QTMAN: variants seen among roughly 807,000 people sequenced by gnomAD.
QTMAN encodes the protein tRNA-queuosine alpha-mannosyltransferase.
chr2:144,314,602 A>C, the QTMAN span, among the ~76,000 whole-genome samples: 1 of 152,126 alleles, frequency 6.6e-6, no homozygotes, highest in Non-Finnish European at 1.5e-5. Flanking sequence ...AATCCCAGCT[A>C]CTCAGGAGGC....
chr2:144,198,202 A>G, the QTMAN span, among the ~76,000 whole-genome samples: 18 of 152,022 alleles, frequency 1.2e-4, no homozygotes, highest in East Asian at 2.9e-3. Flanking sequence ...ACTCCAATAG[A>G]GCAAGACTTT....
At chr2:143,956,432 T>C in the QTMAN span, among the ~76,000 whole-genome samples, 3 of 152,300 alleles carry the variant, frequency 2.0e-5, no homozygotes, top group South Asian at 6.2e-4. Flanking sequence ...TATCTGTATA[T>C]GTATATTATA....
the QTMAN span, among the ~76,000 whole-genome samples, chr2:144,112,967 C>T: frequency 1.3e-5 from 2 of 152,058 alleles, no homozygotes; most frequent in Non-Finnish European, 2.9e-5. Flanking sequence ...CAGAGCAATA[C>T]ATATCAAAGG....
the QTMAN span, among the ~76,000 whole-genome samples, chr2:144,042,000 A>G: frequency 6.6e-6 from 1 of 152,182 alleles, no homozygotes; most frequent in Non-Finnish European, 1.5e-5. Context: ...CCAGGTACCA[A>G]GTCATGAAGG....
chr2:144,122,054 T>C, the QTMAN span, among the ~76,000 whole-genome samples: 1 of 152,320 alleles, frequency 6.6e-6, no homozygotes, highest in East Asian at 1.9e-4. Flanking sequence ...GACTCTTTTT[T>C]AATTACAATA....
the QTMAN span, chr2:143,952,669 C>G: frequency 1.2e-6 from 1 of 847,116 alleles, no homozygotes; most frequent in Non-Finnish European, 2.0e-6. Context: ...GTTGACTTGC[C>G]AAATAAACAA....
chr2:144,303,500 CA>C, the QTMAN span, among the ~76,000 whole-genome samples: 2 of 151,772 alleles, frequency 1.3e-5, no homozygotes, highest in East Asian at 3.9e-4. Flanking sequence ...GGAGTATTTT[CA>C]AAAGTCTAAA....
chr2:144,103,934 T>TA, the QTMAN span, among the ~76,000 whole-genome samples: 3 of 151,756 alleles, frequency 2.0e-5, no homozygotes, highest in East Asian at 2.0e-4. Flanking sequence ...TACTAAAAAT[T>TA]AAAAAATTAG....
chr2:144,049,731 G>A, the QTMAN span, among the ~76,000 whole-genome samples: 2 of 152,026 alleles, frequency 1.3e-5, no homozygotes, highest in Middle Eastern at 3.2e-3. Flanking sequence ...GAATTATTGC[G>A]GGGTTCCCAT....
At chr2:144,228,663 A>C in the QTMAN span, among the ~76,000 whole-genome samples, 1 of 152,212 alleles carries the variant, frequency 6.6e-6, no homozygotes, top group Admixed American at 6.5e-5. Flanking sequence ...AAAGTGGCTT[A>C]AGAATAAATG....
the QTMAN span, among the ~76,000 whole-genome samples, chr2:144,023,958 T>C: frequency 2.0e-5 from 3 of 152,254 alleles, no homozygotes; most frequent in Non-Finnish European, 4.4e-5. Flanking sequence ...CAATACATGC[T>C]GTACTTTATA....
the QTMAN span, chr2:144,011,752 T>C: frequency 5.1e-5 from 50 of 985,138 alleles, no homozygotes; most frequent in Middle Eastern, 5.2e-4. Context: ...GACGTGACTA[T>C]GCAAATAGGC....
the QTMAN span, among the ~76,000 whole-genome samples, chr2:144,195,657 T>C: frequency 3.3e-5 from 5 of 152,262 alleles, no homozygotes. Flanking sequence ...CATTTTCCTT[T>C]TTCTACTCCT....
At chr2:143,972,076 G>C in the QTMAN span, among the ~76,000 whole-genome samples, 2 of 152,128 alleles carry the variant, frequency 1.3e-5, no homozygotes, top group East Asian at 3.8e-4. Flanking sequence ...ATGGTGAAAT[G>C]TTCATTGCTT....
chr2:144,239,447 T>C, the QTMAN span, among the ~76,000 whole-genome samples: 1 of 152,150 alleles, frequency 6.6e-6, no homozygotes. Flanking sequence ...AGGTTTTCTA[T>C]GACATCTGTC....
At chr2:144,317,639 T>A in the QTMAN span, 46 of 152,334 alleles carry the variant, frequency 3.0e-4, no homozygotes, top group African/African-American at 1.1e-3. Context: ...CAAATCCCAA[T>A]GTTTTGTCAT....
At chr2:144,307,496 T>C in the QTMAN span, among the ~76,000 whole-genome samples, 97 of 152,276 alleles carry the variant, frequency 6.4e-4, no homozygotes, top group African/African-American at 2.2e-3. Flanking sequence ...TTTAACACTG[T>C]CCTCATCTGT....
chr2:144,035,403 A>G, the QTMAN span, among the ~76,000 whole-genome samples: 2 of 152,228 alleles, frequency 1.3e-5, no homozygotes. Flanking sequence ...AATGGTTTTT[A>G]AGCTCAAGTA....
At chr2:144,319,408 G>A in the QTMAN span, among the ~76,000 whole-genome samples, 1 of 152,034 alleles carries the variant, frequency 6.6e-6, no homozygotes, top group Non-Finnish European at 1.5e-5. Flanking sequence ...ACTAAAAGGT[G>A]ATAACTATAT....
Sources: allele counts gnomAD v4.1 joint callset (sites outside exome capture counted in the v4.1 genomes callset), GRCh38; gene constraint gnomAD v4.1.1; transcripts MANE v1.5; gene names NCBI Gene and HGNC (gene_info 2026-07-23, HGNC 2026-07-21).